Variants in NUP210L observed in about 807,000 individuals in gnomAD.
The protein encoded by NUP210L is nuclear pore membrane glycoprotein 210-like.
A neutral mutation model predicts 208.5 loss-of-function variants in NUP210L; 74 were observed. That is an observed-to-expected ratio of 0.35 (90% CI 0.29 to 0.43). The LOEUF (loss-of-function observed/expected upper bound fraction) is 0.43, where lower values mean the gene tolerates loss of function less well. Among genes scored for constraint, NUP210L ranks in the 20% least tolerant of loss-of-function variants. The pLI is 1.00. For synonymous variants in NUP210L, 780 were observed against 816.9 expected (o/e 0.95, Z 0.77); for missense variants, 1,843 against 2,289.4 (o/e 0.81, Z 3.98).
intron 17 of NUP210L, among the ~76,000 whole-genome samples, chr1:154,063,911 T>C (rs957778301): frequency 6.6e-6 from 1 of 151,176 alleles, no homozygotes; most frequent in South Asian, 2.1e-4. Flanking sequence ...TTTGGGTAGA[T>C]GTAGAACCAT....
intron 14 of NUP210L, 128 bp downstream of exon 14, chr1:154,099,870 G>A: frequency 1.1e-6 from 1 of 927,370 alleles, no homozygotes; most frequent in Non-Finnish European, 1.6e-6. Flanking sequence ...AAACAAAAAA[G>A]TGGCAAGTAA....
chr1:154,104,133 T>C, exon 13 of NUP210L: 1 of 1,613,918 alleles, frequency 6.2e-7, no homozygotes, highest in Non-Finnish European at 8.5e-7. Flanking sequence ...TTGCAATGGG[T>C]ATTTCTATAA....
At chr1:154,122,383 G>A (rs940343483) in intron 10 of NUP210L, among the ~76,000 whole-genome samples, 35 of 152,094 alleles carry the variant, frequency 2.3e-4, no homozygotes, top group African/African-American at 7.5e-4. Context: ...CAGGCCCAGC[G>A]CGGTGGCTCA....
intron 10 of NUP210L, among the ~76,000 whole-genome samples, chr1:154,121,890 A>G (rs1379057894): frequency 1.3e-5 from 2 of 152,014 alleles, no homozygotes; most frequent in Non-Finnish European, 2.9e-5. Context: ...AAGAAACTTT[A>G]AAAAGAAAAG....
chr1:154,145,628 C>T (rs1199245099), intron 2 of NUP210L, among the ~76,000 whole-genome samples: 5 of 152,006 alleles, frequency 3.3e-5, no homozygotes, highest in Non-Finnish European at 2.9e-5. Flanking sequence ...TAAGTAAATA[C>T]GTCATAGATA....
At chr1:154,047,866 C>T (rs994102409) in intron 25 of NUP210L, among the ~76,000 whole-genome samples, 4 of 152,026 alleles carry the variant, frequency 2.6e-5, no homozygotes, top group African/African-American at 7.2e-5. Context: ...GGTGCCCATA[C>T]GTGGGGCTCC....
At chr1:154,089,775 TATC>T (rs1655811269) in intron 15 of NUP210L, among the ~76,000 whole-genome samples, 181 bp from the exon 16 acceptor site, 1 of 152,022 alleles carries the variant, frequency 6.6e-6, no homozygotes, top group Admixed American at 6.6e-5. Flanking sequence ...GCATTAATAA[TATC>T]ATGAAAATTT....
exon 39 of NUP210L, chr1:153,993,054 G>A: frequency 6.2e-7 from 1 of 1,613,752 alleles, no homozygotes; most frequent in Non-Finnish European, 8.5e-7. Context: ...TACACAACTG[G>A]AACTGTTTGT....
chr1:154,038,543 C>T (rs1159796677), intron 27 of NUP210L, among the ~76,000 whole-genome samples: 1 of 151,954 alleles, frequency 6.6e-6, no homozygotes, highest in Non-Finnish European at 1.5e-5. Flanking sequence ...CGGGGTTTCA[C>T]CATGTTGGTC....
chr1:154,061,972 C>T (rs1348128835), intron 17 of NUP210L, among the ~76,000 whole-genome samples: 5 of 151,878 alleles, frequency 3.3e-5, no homozygotes, highest in African/African-American at 7.3e-5. Context: ...GGACTGCAGG[C>T]GCGTGCCACG....
intron 18 of NUP210L, among the ~76,000 whole-genome samples, chr1:154,061,268 G>C (rs1408000178): frequency 6.6e-6 from 1 of 151,826 alleles, no homozygotes; most frequent in Non-Finnish European, 1.5e-5. Flanking sequence ...ATCCCAGCTA[G>C]TTGGGAGGAT....
At chr1:154,144,632 T>C (rs1416886466) in intron 2 of NUP210L, among the ~76,000 whole-genome samples, 1 of 152,240 alleles carries the variant, frequency 6.6e-6, no homozygotes, top group Non-Finnish European at 1.5e-5. Context: ...ACATTTGCCA[T>C]GTATTTGAGA....
At chr1:154,116,896 A>T (rs770464147) in intron 12 of NUP210L, among the ~76,000 whole-genome samples, 1 of 152,192 alleles carries the variant, frequency 6.6e-6, no homozygotes, top group Non-Finnish European at 1.5e-5. Context: ...AAAAAAGTTA[A>T]CGTTAATTAA....
At chr1:154,126,709 TTA>T (rs1372935781) in intron 9 of NUP210L, among the ~76,000 whole-genome samples, 1 of 152,160 alleles carries the variant, frequency 6.6e-6, no homozygotes, top group African/African-American at 2.4e-5. Flanking sequence ...TATGCAAATT[TTA>T]GTGTAATTTT....
At chr1:154,125,724 A>AGGAG (rs1657898753) in intron 10 of NUP210L, among the ~76,000 whole-genome samples, 1 of 51,474 alleles carries the variant, frequency 1.9e-5, no homozygotes, top group Non-Finnish European at 4.0e-5. Context: ...GAAGGAAGGA[A>AGGAG]GGAAGGAAGG....
intron 2 of NUP210L, among the ~76,000 whole-genome samples, chr1:154,146,328 GGAA>G (rs1455459729): frequency 6.6e-6 from 1 of 152,086 alleles, no homozygotes; most frequent in African/African-American, 2.4e-5. Flanking sequence ...AAATTAACTG[GGAA>G]GAAGTTGTTT....
intron 16 of NUP210L, among the ~76,000 whole-genome samples, chr1:154,075,977 TG>T (rs894202474): frequency 1.2e-4 from 18 of 151,258 alleles, no homozygotes; most frequent in African/African-American, 4.1e-4. Flanking sequence ...TTTGCAGAGG[TG>T]GGGTTTTGCC....
At chr1:154,150,180 G>C (rs780759333) in intron 2 of NUP210L, among the ~76,000 whole-genome samples, 3 of 152,084 alleles carry the variant, frequency 2.0e-5, no homozygotes, top group African/African-American at 7.2e-5. Context: ...TTCGAGATGA[G>C]CCTGACCAAC....
intron 27 of NUP210L, among the ~76,000 whole-genome samples, chr1:154,042,279 T>G (rs1221550512): frequency 6.6e-6 from 1 of 152,096 alleles, no homozygotes; most frequent in Non-Finnish European, 1.5e-5. Flanking sequence ...TCATGTGTGT[T>G]TTTTGTAGAG....
Sources: allele counts gnomAD v4.1 joint callset (sites outside exome capture counted in the v4.1 genomes callset), GRCh38; gene constraint gnomAD v4.1.1; transcripts MANE v1.5; gene names NCBI Gene and HGNC (gene_info 2026-07-23, HGNC 2026-07-21).